HDAC4: variants seen among roughly 807,000 people sequenced by gnomAD.
HDAC4 encodes histone deacetylase A.
HDAC4 carries 16 observed loss-of-function variants against 135.1 expected under a neutral mutation model. The observed-to-expected ratio is 0.12, with a 90% CI of 0.08 to 0.18. HDAC4 has a LOEUF of 0.18. Ranked by LOEUF, HDAC4 falls within the 10% of genes least tolerant of loss-of-function variation. The probability of loss-of-function intolerance (pLI) is 1.00; values close to 1 mark genes in which losing one functional copy is unlikely to be tolerated. For synonymous variants in HDAC4, 685 were observed against 653.4 expected (o/e 1.05, Z -0.74); for missense variants, 1,143 against 1,511.8 (o/e 0.76, Z 4.05).
At chr2:239,389,151 T>C (rs971028820) in intron 1 of HDAC4, among the ~76,000 whole-genome samples, 1 of 152,136 alleles carries the variant, frequency 6.6e-6, no homozygotes, top group Non-Finnish European at 1.5e-5. Flanking sequence ...GCTAAAGGAT[T>C]GTAAATGCAC....
At chr2:239,193,217 T>C (rs2045124252) in intron 3 of HDAC4, among the ~76,000 whole-genome samples, 1 of 152,252 alleles carries the variant, frequency 6.6e-6, no homozygotes, top group Non-Finnish European at 1.5e-5. Context: ...GGCAGAGGCC[T>C]GACCCGCTGC....
intron 2 of HDAC4, among the ~76,000 whole-genome samples, chr2:239,244,739 C>T (rs2048374710): frequency 6.6e-6 from 1 of 152,218 alleles, no homozygotes; most frequent in South Asian, 2.1e-4. Flanking sequence ...GGACCTGCAC[C>T]TGCGCTGGCC....
chr2:239,363,527 G>A (rs1366023618), intron 1 of HDAC4, among the ~76,000 whole-genome samples: 3 of 152,230 alleles, frequency 2.0e-5, no homozygotes, highest in Non-Finnish European at 4.4e-5. Context: ...GCTTGCGTCA[G>A]CTGCTCTTTG....
intron 2 of HDAC4, among the ~76,000 whole-genome samples, chr2:239,277,609 G>A (rs1033997359): frequency 1.3e-5 from 2 of 152,182 alleles, no homozygotes; most frequent in African/African-American, 2.4e-5. Flanking sequence ...CACTCTCACC[G>A]CACGCATCCC....
chr2:239,332,823 A>G (rs142532834), intron 2 of HDAC4, among the ~76,000 whole-genome samples: 52 of 152,174 alleles, frequency 3.4e-4, no homozygotes, highest in African/African-American at 1.2e-3. Context: ...AGCTCCTAGC[A>G]AAGTCCAATG....
chr2:239,309,251 C>T lies in HDAC4; in HGVS notation c.22+43427G>A, dbSNP rs1367910714. On this transcript the variant is annotated intron_variant, in intron 2 of 26. Coordinates refer to ENST00000543185, the MANE Select transcript of HDAC4 (RefSeq NM_001378414.1). This position sits in a 1 kb window ranked among gnomAD's most constrained non-coding sequence, Gnocchi z 4.2. Reference sequence around the variant, plus strand: ...TGACATCTGGTTTCTATTTCATATCCATGTTGTCACATTACATAACAAGCA... The same window carrying T: ...TGACATCTGGTTTCTATTTCATATCTATGTTGTCACATTACATAACAAGCA... 3 of 152,062 alleles carry T rather than the reference C, an allele frequency of 2.0e-5. No individual in the cohort carries two copies. The highest frequency in any genetic ancestry group is 2.0e-4 in the Admixed American group (3 of 15,254). The allele number at this position is 152,062 out of a possible 1,614,324, so 9.4% of individuals were successfully genotyped here. A position where few individuals can be genotyped will look rare whatever the true frequency, so the allele number is the denominator to read the frequency against.
chr2:239,068,496 G>A lies in HDAC4; in HGVS notation c.2862C>T (p.Ser954=), dbSNP rs758620423. 8.7e-6 allele frequency: 14 copies of A among 1,610,578 alleles called. No individual in the cohort carries two copies. The highest frequency in any genetic ancestry group is 3.3e-5 in the Admixed American group (2 of 60,012). The change falls in exon 23 of 27, where the codon TCC becomes TCT. Residue 954 remains serine, a synonymous_variant. Coordinates refer to ENST00000543185, the MANE Select transcript of HDAC4 (RefSeq NM_001378414.1). This position sits in a 1 kb window ranked among gnomAD's most constrained non-coding sequence, Gnocchi z 4.4. ...ATATGCAGAACCACTTACATCTGGCGGAGAGGTTGTAGCCCCCAAGAGGGG... is the reference window on the plus strand; with the variant it reads ...ATATGCAGAACCACTTACATCTGGCAGAGAGGTTGTAGCCCCCAAGAGGGG... ...HPTPLGGYNL[S]ARCFGYLTKQ...
intron 24 of HDAC4, among the ~76,000 whole-genome samples, chr2:239,065,864 C>T (rs1244625619): frequency 3.9e-5 from 6 of 152,220 alleles, no homozygotes; most frequent in Admixed American, 1.3e-4. Flanking sequence ...CCGACTGAGT[C>T]GTGTCTTGGG....
At chr2:239,112,262 C>T (rs900044085) in intron 13 of HDAC4, among the ~76,000 whole-genome samples, 4 of 152,202 alleles carry the variant, frequency 2.6e-5, no homozygotes, top group African/African-American at 7.2e-5. Flanking sequence ...TGAGTGGGCA[C>T]GAAGCCCAAC....
chr2:239,064,220 G>C (rs1459008673), intron 24 of HDAC4, among the ~76,000 whole-genome samples: 1 of 152,256 alleles, frequency 6.6e-6, no homozygotes, highest in Non-Finnish European at 1.5e-5. Context: ...TGGCCTTCAG[G>C]CCTGTGTCTG....
At chr2:239,124,300 C>G (rs1270581833) in intron 12 of HDAC4, among the ~76,000 whole-genome samples, 1 of 152,188 alleles carries the variant, frequency 6.6e-6, no homozygotes, top group East Asian at 1.9e-4. Flanking sequence ...AGAAATGCTC[C>G]CCATCTGCCC....
intron 1 of HDAC4, among the ~76,000 whole-genome samples, chr2:239,358,337 G>A (rs1258584112): frequency 2.0e-5 from 3 of 152,204 alleles, no homozygotes; most frequent in Non-Finnish European, 2.9e-5. Context: ...GTGCTAAAGC[G>A]CCGGCCGTCG....
At chr2:239,121,713 A>G (rs1360276722) in intron 12 of HDAC4, among the ~76,000 whole-genome samples, 3 of 152,182 alleles carry the variant, frequency 2.0e-5, no homozygotes, top group African/African-American at 7.2e-5. Context: ...GGGCCTGAGG[A>G]GGATGTCACT....
In HDAC4 at chr2:239,098,262, CGAAACGTTCCAGCCTGGT is replaced by C. The variant is rs576328076; in HGVS notation, c.2234-3224_2234-3207del. Among the ~76,000 whole-genome samples, 13 of 152,352 alleles carry C rather than the reference CGAAACGTTCCAGCCTGGT, an allele frequency of 8.5e-5. No homozygotes were observed. In the East Asian group the frequency reaches 2.5e-3, roughly 29 times the overall value. ...AGCCACAATCACCAAGCCCAGGCCACGAAACGTTCCAGCCTGGTGACAGGGCCTGAAGCTCTGCAAACG... is the reference window on the plus strand; with the variant it reads ...AGCCACAATCACCAAGCCCAGGCCACGACAGGGCCTGAAGCTCTGCAAACG... On this transcript the variant is annotated intron_variant, in intron 16 of 26. Coordinates refer to ENST00000543185, the MANE Select transcript of HDAC4 (RefSeq NM_001378414.1).
At position 239,168,279 on chromosome 2, in the gene HDAC4, C is replaced by G. The variant is rs529977506; in HGVS notation, c.491-4356G>C. On this transcript the variant is annotated intron_variant, in intron 5 of 26. Transcript: ENST00000543185. ...CAGTGAGAGAAAGCGGGGCTGTATT[C>G]GCTCCACACTGCTCGGGCCGAGTCC... Among the ~76,000 whole-genome samples, 3 of 152,280 alleles carry G rather than the reference C, an allele frequency of 2.0e-5. No individual in the cohort carries two copies. In the South Asian group the frequency reaches 6.2e-4, roughly 32 times the overall value.
intron 12 of HDAC4, among the ~76,000 whole-genome samples, chr2:239,125,458 C>A (rs908411481): frequency 2.0e-5 from 3 of 152,228 alleles, no homozygotes; most frequent in Non-Finnish European, 2.9e-5. Context: ...CCAATCAGAC[C>A]TCTTTTCTTA....
intron 1 of HDAC4, among the ~76,000 whole-genome samples, chr2:239,385,027 G>A (rs1383180506): frequency 1.3e-5 from 2 of 152,142 alleles, no homozygotes; most frequent in Admixed American, 1.3e-4. Flanking sequence ...TGTGCACAGG[G>A]ACAGGGACAA....
intron 3 of HDAC4, among the ~76,000 whole-genome samples, chr2:239,216,446 C>T (rs1202690768): frequency 1.3e-5 from 2 of 152,246 alleles, no homozygotes; most frequent in Non-Finnish European, 2.9e-5. Context: ...CAGCCCTGAT[C>T]TTGCCCTCTC....
At position 239,378,866 on chromosome 2, in the gene HDAC4, C is replaced by T. The variant is rs565152934; in HGVS notation, c.-220+22112G>A. Among the ~76,000 whole-genome samples the T allele has an allele frequency of 2.9e-4, 44 of 152,292 alleles. No individual in the cohort carries two copies. The Middle Eastern group carries it at 0.014, about 47-fold the overall frequency. Reference sequence around the variant, plus strand: ...TTTGGCCTGAGGCAAAACAGTCTTTCGAACAAAGAGGACACACCAGGCCTC... The same window carrying T: ...TTTGGCCTGAGGCAAAACAGTCTTTTGAACAAAGAGGACACACCAGGCCTC... On this transcript the variant is annotated intron_variant, in intron 1 of 26. Transcript: ENST00000543185.
Sources: allele counts gnomAD v4.1 joint callset (sites outside exome capture counted in the v4.1 genomes callset), GRCh38; gene constraint gnomAD v4.1.1; non-coding constraint Gnocchi (gnomAD v3.1); transcripts MANE v1.5; gene names NCBI Gene and HGNC (gene_info 2026-07-23, HGNC 2026-07-21).